Variants in ACTN2 observed in about 807,000 individuals in gnomAD.
The protein encoded by ACTN2 is alpha-actinin-2.
In ACTN2, 39 loss-of-function variants were observed where a neutral mutation model predicts 113.8. The ratio of observed to expected loss-of-function variants is 0.34; its 90% CI spans 0.27 to 0.45. The LOEUF (loss-of-function observed/expected upper bound fraction) is 0.45. Among genes scored for constraint, ACTN2 ranks in the 20% least tolerant of loss-of-function variants. The pLI, the probability that ACTN2 is intolerant of heterozygous loss-of-function variation, is 1.00. For synonymous variants in ACTN2, 429 were observed against 444.1 expected (o/e 0.97, Z 0.43); for missense variants, 992 against 1,177.9 (o/e 0.84, Z 2.31).
Position 236,754,935 on chromosome 1 carries a change from G to T in ACTN2, c.1975-84G>T. ...ACGCTGGCCTAGCATCCCATGCAGG[G>T]TCTGGAACGGCGCCTCGTGCCGAGC... is the stretch of plus-strand genomic sequence containing the variant. On this transcript the variant is annotated intron_variant, in intron 16 of 20. Transcript: ENST00000366578. The surrounding 1 kb of genome is among the most constrained non-coding windows in gnomAD (Gnocchi z 4.9). 1 of 1,541,886 alleles carries T rather than the reference G, an allele frequency of 6.5e-7. No homozygotes were observed. Among genetic ancestry groups the T allele is most frequent in the Non-Finnish European group, 9.0e-7 (1 of 1,116,066 alleles).
chr1:236,743,494 T>C (rs1055322986), intron 11 of ACTN2, among the ~76,000 whole-genome samples: 47 of 152,238 alleles, frequency 3.1e-4, no homozygotes, highest in Admixed American at 1.9e-3. Context: ...TCTAACTTTC[T>C]TATTTCACTT....
chr1:236,729,198 G>T (rs1312291924), intron 6 of ACTN2, among the ~76,000 whole-genome samples: 1 of 151,904 alleles, frequency 6.6e-6, no homozygotes, highest in Admixed American at 6.6e-5. Context: ...GGTGGCAGAC[G>T]CCTGTAATCC....
chr1:236,709,130 A>G (rs567030574), intron 1 of ACTN2, among the ~76,000 whole-genome samples: 1 of 149,960 alleles, frequency 6.7e-6, no homozygotes, highest in African/African-American at 2.4e-5. Context: ...GTTCAGAACC[A>G]TCGTGATACA....
chr1:236,706,827 C>T (rs924721515), intron 1 of ACTN2, among the ~76,000 whole-genome samples: 1 of 152,216 alleles, frequency 6.6e-6, no homozygotes, highest in Admixed American at 6.5e-5. Context: ...TTAACAGGTA[C>T]AAGCTCTGTG....
At chr1:236,738,752 C>T (rs576560215) in intron 9 of ACTN2, among the ~76,000 whole-genome samples, 49 of 152,218 alleles carry the variant, frequency 3.2e-4, no homozygotes, top group Non-Finnish European at 6.6e-4. Context: ...TTCACTACCA[C>T]GTTCGCTTTT....
At chr1:236,739,617 C>A in intron 10 of ACTN2, 85 bp downstream of exon 10, 1 of 1,459,194 alleles carries the variant, frequency 6.9e-7, no homozygotes, top group Non-Finnish European at 9.4e-7. Flanking sequence ...CAGGAGGAGG[C>A]ATTGACTTCT....
intron 12 of ACTN2, 56 bp downstream of exon 12, chr1:236,744,832 G>A: frequency 1.2e-6 from 2 of 1,612,004 alleles, no homozygotes; most frequent in Non-Finnish European, 1.7e-6. Flanking sequence ...ACAGAGAGGG[G>A]AGAGAAAGGC....
chr1:236,745,326 C>T lies in ACTN2; in HGVS notation c.1406+550C>T, dbSNP rs559477591. On this transcript the variant is annotated intron_variant, in intron 12 of 20. Coordinates refer to ENST00000366578, the MANE Select transcript of ACTN2 (RefSeq NM_001103.4). The stretch of plus-strand genomic sequence containing the variant: ...GCGGGTGCCTGTAGTCCCAGCTGCT[C>T]GGGAGGCTGAGGCAGGAGAATGGTG... Among the ~76,000 whole-genome samples the T allele has an allele frequency of 2.6e-3, 388 of 152,076 alleles. 1 individual carries two copies. Among genetic ancestry groups the T allele is most frequent in the Non-Finnish European group, 4.3e-3 (291 of 67,986 alleles).
At chr1:236,726,079 G>T (rs771671286) in intron 5 of ACTN2, 59 bp downstream of exon 5, 4 of 1,477,724 alleles carry the variant, frequency 2.7e-6, no homozygotes, top group African/African-American at 1.4e-5. Context: ...GTAGCATGGG[G>T]AACAGTGTTT....
At chr1:236,753,864 C>A in intron 15 of ACTN2, 83 bp from the exon 16 acceptor site, 2 of 1,378,080 alleles carry the variant, frequency 1.5e-6, no homozygotes, top group Admixed American at 1.7e-5. Flanking sequence ...CACCCCCACC[C>A]CTTGGACTAT....
intron 18 of ACTN2, among the ~76,000 whole-genome samples, chr1:236,758,350 A>G (rs1177570571): frequency 6.7e-6 from 1 of 149,544 alleles, no homozygotes; most frequent in African/African-American, 2.5e-5. Context: ...CAGTGGCATG[A>G]TCTCGGCTCA....
At chr1:236,761,462 T>C (rs896687556) in intron 20 of ACTN2, among the ~76,000 whole-genome samples, 1 of 151,878 alleles carries the variant, frequency 6.6e-6, no homozygotes, top group Non-Finnish European at 1.5e-5. Flanking sequence ...TGTGTGTATG[T>C]GCGCGCTACT....
intron 1 of ACTN2, among the ~76,000 whole-genome samples, chr1:236,707,038 T>G (rs537620767): frequency 6.6e-6 from 1 of 152,378 alleles, no homozygotes; most frequent in African/African-American, 2.4e-5. Context: ...TTACAAGAGT[T>G]AATTTTAAGG....
At position 236,735,738 on chromosome 1, in the gene ACTN2, G is replaced by A. The variant is rs370559982; in HGVS notation, c.783+18G>A. 17 of 1,608,718 alleles carry A rather than the reference G, an allele frequency of 1.1e-5. No individual in the cohort carries two copies. Among genetic ancestry groups the A allele is most frequent in the Non-Finnish European group, 1.2e-5 (14 of 1,175,332 alleles). ...CGGAGCAGGTACTCAACACTTGTCCGTCCGGGCTGTTGTGTTACTCTCTGT... is the reference window on the plus strand; with the variant it reads ...CGGAGCAGGTACTCAACACTTGTCCATCCGGGCTGTTGTGTTACTCTCTGT... On this transcript the variant is annotated intron_variant, in intron 8 of 20. Coordinates refer to ENST00000366578, the MANE Select transcript of ACTN2 (RefSeq NM_001103.4).
intron 7 of ACTN2, among the ~76,000 whole-genome samples, chr1:236,734,150 T>G (rs1191273568): frequency 2.0e-5 from 3 of 152,170 alleles, no homozygotes; most frequent in African/African-American, 7.2e-5. Flanking sequence ...GAGGGCCTAA[T>G]TCTGTCCGTG....
chr1:236,698,811 CTAT>C (rs1657593341), intron 1 of ACTN2, among the ~76,000 whole-genome samples: 1 of 152,188 alleles, frequency 6.6e-6, no homozygotes, highest in African/African-American at 2.4e-5. Flanking sequence ...AGAGAAACAA[CTAT>C]TATTGAGAAA....
At chr1:236,750,021 T>A (rs971609080) in intron 14 of ACTN2, among the ~76,000 whole-genome samples, 1 of 152,162 alleles carries the variant, frequency 6.6e-6, no homozygotes, top group Non-Finnish European at 1.5e-5. Context: ...AGCACCTACC[T>A]TTTGCCTACT....
intron 1 of ACTN2, among the ~76,000 whole-genome samples, chr1:236,699,212 T>G (rs1657604696): frequency 6.6e-6 from 1 of 152,236 alleles, no homozygotes; most frequent in African/African-American, 2.4e-5. Flanking sequence ...TGGGATTCAG[T>G]ATTTCTGATT....
chr1:236,759,697 T>C lies in ACTN2; in HGVS notation c.2302-27T>C, dbSNP rs528971248. Reference sequence around the variant, plus strand: ...TTGCTCATCTTGCCCTGTGCTCACCTGCTCTGTCCTTTGTTTTTGCCAACA... The same window carrying C: ...TTGCTCATCTTGCCCTGTGCTCACCCGCTCTGTCCTTTGTTTTTGCCAACA... On this transcript the variant is annotated intron_variant, in intron 18 of 20. Transcript: ENST00000366578. 5 of 1,609,316 alleles carry C rather than the reference T, an allele frequency of 3.1e-6. No homozygotes were observed. In the African/African-American group the frequency reaches 5.3e-5, roughly 17 times the overall value.
Sources: gnomAD v4.1 joint callset for allele counts (sites outside exome capture counted in the v4.1 genomes callset) on GRCh38, gnomAD v4.1.1 for gene constraint, Gnocchi (gnomAD v3.1) non-coding constraint, MANE v1.5 for transcripts, NCBI Gene and HGNC (gene_info 2026-07-23, HGNC 2026-07-21) for gene names.